Variants in UBE2H observed in about 807,000 individuals in gnomAD.
UBE2H encodes the protein ubiquitin-conjugating enzyme E2 H.
UBE2H carries 3 observed loss-of-function variants against 29.0 expected under a neutral mutation model. The ratio of observed to expected loss-of-function variants is 0.10; its 90% CI spans 0.05 to 0.27. UBE2H has a LOEUF of 0.27. UBE2H is among the 10% of genes least tolerant of loss of function. UBE2H has a pLI of 1.00. For synonymous variants in UBE2H, 69 were observed against 82.9 expected, an observed-to-expected ratio of 0.83 and a Z score of 0.91; for missense variants, 68 against 228.2, an observed-to-expected ratio of 0.30 and a Z score of 4.52.
At chr7:129,855,130 A>G (rs545638571) in intron 5 of UBE2H, among the ~76,000 whole-genome samples, 1 of 152,314 alleles carries the variant, frequency 6.6e-6, no homozygotes, top group East Asian at 1.9e-4. Context: ...AAACTACTGA[A>G]TTACACACTT....
intron 1 of UBE2H, among the ~76,000 whole-genome samples, chr7:129,936,249 T>C (rs767877134): frequency 6.6e-6 from 1 of 152,200 alleles, no homozygotes; most frequent in Non-Finnish European, 1.5e-5. Context: ...GTGAGTAATA[T>C]GCCCAATTTA....
intron 1 of UBE2H, among the ~76,000 whole-genome samples, chr7:129,941,846 T>C (rs529677767): frequency 1.2e-4 from 19 of 152,158 alleles, no homozygotes; most frequent in South Asian, 1.0e-3. Context: ...AATTTTATTA[T>C]GGCAGTGTCC....
At chr7:129,936,962 G>C (rs1360876418) in intron 1 of UBE2H, among the ~76,000 whole-genome samples, 1 of 148,282 alleles carries the variant, frequency 6.7e-6, no homozygotes, top group East Asian at 2.1e-4. Context: ...TGGGCAACAA[G>C]TGTGAGGCTC....
At chr7:129,837,405 G>A (rs1805351012) in intron 6 of UBE2H, among the ~76,000 whole-genome samples, 1 of 152,174 alleles carries the variant, frequency 6.6e-6, no homozygotes, top group African/African-American at 2.4e-5. Flanking sequence ...TGGGACTTGA[G>A]AAGAGTCCAA....
intron 1 of UBE2H, among the ~76,000 whole-genome samples, chr7:129,923,225 T>TGCAATTCAATCTGAATTACCCTTATCA (rs1807201713): frequency 6.6e-6 from 1 of 152,202 alleles, no homozygotes; most frequent in Admixed American, 6.5e-5. Context: ...GCCATTATTA[T>TGCAATTCAATCTGAATTACCCTTATCA]GCAATTCAAT....
chr7:129,899,768 A>C (rs1435904473), intron 1 of UBE2H, among the ~76,000 whole-genome samples: 1 of 152,234 alleles, frequency 6.6e-6, no homozygotes, highest in Non-Finnish European at 1.5e-5. Flanking sequence ...TCACTTAATC[A>C]AACAACAAGG....
chr7:129,862,738 T>C (rs572702990), intron 3 of UBE2H, among the ~76,000 whole-genome samples: 2 of 151,984 alleles, frequency 1.3e-5, no homozygotes, highest in Non-Finnish European at 2.9e-5. Context: ...GGGCAGAAAA[T>C]GAGAAGTGAT....
chr7:129,851,611 A>G (rs1280787605), intron 5 of UBE2H, among the ~76,000 whole-genome samples: 3 of 152,254 alleles, frequency 2.0e-5, no homozygotes, highest in Admixed American at 6.5e-5. Context: ...GAATGAAACA[A>G]GCCCTAAAAT....
intron 1 of UBE2H, among the ~76,000 whole-genome samples, chr7:129,939,046 G>T (rs930819841): frequency 6.6e-6 from 1 of 152,072 alleles, no homozygotes; most frequent in Non-Finnish European, 1.5e-5. Context: ...TGATCTATCC[G>T]CCTTGGCGTC....
intron 4 of UBE2H, 95 bp from the exon 5 acceptor site, chr7:129,857,658 C>T (rs718925): frequency 0.079 from 102,227 of 1,292,154 alleles, 4,619 homozygotes; most frequent in Non-Finnish European, 0.093. Flanking sequence ...AGAAATACTT[C>T]TAATAGATCT....
chr7:129,909,194 ATG>A (rs1806879785), intron 1 of UBE2H, among the ~76,000 whole-genome samples: 1 of 152,214 alleles, frequency 6.6e-6, no homozygotes, highest in Admixed American at 6.5e-5. Context: ...ATAAAGAACT[ATG>A]TAATATAAGG....
chr7:129,837,575 AC>A (rs1332445942), intron 6 of UBE2H, among the ~76,000 whole-genome samples: 3 of 137,380 alleles, frequency 2.2e-5, no homozygotes, highest in Non-Finnish European at 3.0e-5. Context: ...AAACAGGGAG[AC>A]CTCTGATGGG....
chr7:129,874,214 T>C lies in UBE2H; in HGVS notation c.205+5354A>G, dbSNP rs576269187. Among the ~76,000 whole-genome samples the C allele has an allele frequency of 2.6e-4, 39 of 151,998 alleles. No homozygotes were observed. In the South Asian group the frequency reaches 7.9e-3, roughly 31 times the overall value. On this transcript the variant is annotated intron_variant, in intron 3 of 6. Transcript: ENST00000355621. Reference sequence around the variant, plus strand: ...TAGTGTTTAAGTAAAGTAGATATGATATGAAGGAGAATATAATAGATCCAG... The same window carrying C: ...TAGTGTTTAAGTAAAGTAGATATGACATGAAGGAGAATATAATAGATCCAG...
intron 1 of UBE2H, among the ~76,000 whole-genome samples, chr7:129,887,073 A>C (rs751083670): frequency 2.6e-5 from 4 of 152,130 alleles, no homozygotes; most frequent in Admixed American, 6.6e-5. Flanking sequence ...TTTACATTTA[A>C]GTTTTCCATA....
At chr7:129,898,019 A>T (rs1449476175) in intron 1 of UBE2H, among the ~76,000 whole-genome samples, 1 of 152,076 alleles carries the variant, frequency 6.6e-6, no homozygotes. Context: ...GCTGCTTTTT[A>T]AAAAAACCCA....
At chr7:129,839,599 T>G in intron 5 of UBE2H, 1 of 355,370 alleles carries the variant, frequency 2.8e-6, no homozygotes, top group Non-Finnish European at 5.1e-6. Flanking sequence ...TTCACTCTAT[T>G]TATATGGCTA....
At chr7:129,895,179 T>C (rs1806574742) in intron 1 of UBE2H, among the ~76,000 whole-genome samples, 1 of 152,168 alleles carries the variant, frequency 6.6e-6, no homozygotes, top group African/African-American at 2.4e-5. Context: ...GAGCTGTGCA[T>C]CTGACATGCT....
At chr7:129,868,071 AG>A (rs1196632210) in intron 3 of UBE2H, among the ~76,000 whole-genome samples, 1 of 152,252 alleles carries the variant, frequency 6.6e-6, no homozygotes, top group Non-Finnish European at 1.5e-5. Flanking sequence ...TTCAGTTTAA[AG>A]AAAAAGGAAG....
intron 1 of UBE2H, among the ~76,000 whole-genome samples, chr7:129,949,454 A>G (rs1175139613): frequency 6.6e-6 from 1 of 152,202 alleles, no homozygotes; most frequent in Admixed American, 6.5e-5. Context: ...TAAAGGATCC[A>G]AAAGTCATGT....
Sources: allele counts gnomAD v4.1 joint callset (sites outside exome capture counted in the v4.1 genomes callset), GRCh38; gene constraint gnomAD v4.1.1; transcripts MANE v1.5; gene names NCBI Gene and HGNC (gene_info 2026-07-23, HGNC 2026-07-21).